SYNE1: variants seen among roughly 807,000 people sequenced by gnomAD.
The protein encoded by SYNE1 is nesprin-1.
In SYNE1, 616 loss-of-function variants were observed where a neutral mutation model predicts 1,111.0. The ratio of observed to expected loss-of-function variants is 0.55; its 90% CI spans 0.52 to 0.59. The LOEUF is 0.59. SYNE1 is among the 20% of genes least tolerant of loss of function. The probability of loss-of-function intolerance (pLI) is 0.00; values close to 1 mark genes in which losing one functional copy is unlikely to be tolerated. For synonymous variants in SYNE1, 3,855 were observed against 3,825.8 expected, an observed-to-expected ratio of 1.01 and a Z score of -0.28; for missense variants, 10,006 against 10,417.0, an observed-to-expected ratio of 0.96 and a Z score of 1.72.
At chr6:152,174,920 G>A (rs2066029746) in intron 130 of SYNE1, among the ~76,000 whole-genome samples, 2 of 152,258 alleles carry the variant, frequency 1.3e-5, no homozygotes, top group Admixed American at 1.3e-4. Flanking sequence ...GAGGCTGGGT[G>A]CGGTGGCTCA....
intron 96 of SYNE1, 101 bp from the exon 97 acceptor site, chr6:152,282,081 A>G: frequency 1.6e-6 from 2 of 1,251,588 alleles, no homozygotes; most frequent in South Asian, 2.5e-5. Flanking sequence ...GTACATAAGA[A>G]TCACTGGTAA....
In SYNE1 at chr6:152,603,823, T is replaced by G. The variant is rs528804775; in HGVS notation, c.67+24442A>C. On this transcript the variant is annotated intron_variant, in intron 3 of 145. Coordinates refer to ENST00000367255, the MANE Select transcript of SYNE1 (RefSeq NM_182961.4). ...TACATATATAGAGAGTATATATATA[T>G]ATAGATATACTATCTATCTATACAT... 2.4e-3 allele frequency among the ~76,000 whole-genome samples: 276 copies of G among 117,192 alleles called. 4 individuals are homozygous for G. The highest frequency in any genetic ancestry group is 3.7e-3 in the Admixed American group (45 of 12,210). 76.9% of individuals were successfully genotyped at this position (117,192 alleles called of 152,430 possible).
rs952091182 is a variant in SYNE1 at position 152,280,493 on chromosome 6, G to A, written c.18381+1314C>T. ...CTAGTGTATTTTATGTGTGGACCAA[G>A]ACAATTCTTCTTCTTCCAATGTGGC... On this transcript the variant is annotated intron_variant, in intron 97 of 145. Coordinates refer to ENST00000367255, the MANE Select transcript of SYNE1 (RefSeq NM_182961.4). 2.0e-5 allele frequency among the ~76,000 whole-genome samples: 3 copies of A among 151,860 alleles called. No homozygotes were observed. In the South Asian group the frequency reaches 6.2e-4, roughly 32 times the overall value.
chr6:152,477,386 T>G (rs2098841312), intron 14 of SYNE1, among the ~76,000 whole-genome samples: 2 of 152,168 alleles, frequency 1.3e-5, no homozygotes, highest in South Asian at 4.1e-4. Flanking sequence ...GACCTTTTAG[T>G]AAAGGCCTTA....
intron 14 of SYNE1, chr6:152,472,657 T>A: frequency 1.4e-6 from 1 of 702,250 alleles, no homozygotes; most frequent in East Asian, 2.7e-5. Context: ...CACATGACAC[T>A]TGCACAGCAA....
chr6:152,444,656 T>C, intron 29 of SYNE1, 78 bp from the exon 30 acceptor site: 1 of 1,331,602 alleles, frequency 7.5e-7, no homozygotes, highest in Non-Finnish European at 1.0e-6. Context: ...TGGTAAGGTA[T>C]GATTGACAAA....
intron 1 of SYNE1, 175 bp downstream of exon 1, chr6:152,637,014 G>T (rs1032604036): frequency 6.6e-6 from 1 of 152,478 alleles, no homozygotes; most frequent in East Asian, 1.9e-4. Context: ...TACTGCTCCT[G>T]TCGGGAAGGA....
At position 152,435,925 on chromosome 6, in the gene SYNE1, C is replaced by T; in HGVS notation, c.4310+16G>A. The T allele has an allele frequency of 6.2e-7, 1 of 1,613,976 alleles. No homozygotes were observed. Among genetic ancestry groups the T allele is most frequent in the Non-Finnish European group, 8.5e-7 (1 of 1,179,968 alleles). Reference sequence around the variant, plus strand: ...TTATCTCAGAGAAGAAAGTTTAGGACTTGTCAATCACATACTCTTCTTCAA... The same window carrying T: ...TTATCTCAGAGAAGAAAGTTTAGGATTTGTCAATCACATACTCTTCTTCAA... On this transcript the variant is annotated intron_variant, in intron 33 of 145. Coordinates refer to ENST00000367255, the MANE Select transcript of SYNE1 (RefSeq NM_182961.4).
intron 3 of SYNE1, among the ~76,000 whole-genome samples, chr6:152,574,889 G>GC (rs2099490178): frequency 1.3e-5 from 2 of 151,868 alleles, no homozygotes; most frequent in Non-Finnish European, 2.9e-5. Context: ...TTTTTGGTTT[G>GC]TTTTTTGTTT....
intron 3 of SYNE1, among the ~76,000 whole-genome samples, chr6:152,592,714 T>G (rs928704687): frequency 6.6e-6 from 1 of 152,148 alleles, no homozygotes. Context: ...AAAATAAAAG[T>G]ATAAAAGAAA....
At chr6:152,463,749 A>T (rs1027277241) in intron 18 of SYNE1, among the ~76,000 whole-genome samples, 1 of 152,216 alleles carries the variant, frequency 6.6e-6, no homozygotes, top group African/African-American at 2.4e-5. Flanking sequence ...CGAAGACAAA[A>T]CAAAACATGA....
chr6:152,504,240 A>G (rs1475921231), intron 9 of SYNE1, among the ~76,000 whole-genome samples: 1 of 152,102 alleles, frequency 6.6e-6, no homozygotes, highest in Non-Finnish European at 1.5e-5. Context: ...TCCTAGTGAA[A>G]GTGGGGTGGG....
chr6:152,310,326 T>C (rs2095509459), intron 89 of SYNE1, 70 bp downstream of exon 89: 1 of 1,593,710 alleles, frequency 6.3e-7, no homozygotes, highest in Non-Finnish European at 8.6e-7. Flanking sequence ...TTAGGAGGCA[T>C]TTTTCCTTAC....
At chr6:152,635,018 A>G (rs946604813) in intron 2 of SYNE1, among the ~76,000 whole-genome samples, 1 of 152,196 alleles carries the variant, frequency 6.6e-6, no homozygotes, top group Admixed American at 6.5e-5. Flanking sequence ...TGGGCTTCCT[A>G]CATCCTGTGA....
At chr6:152,270,313 A>G (rs376628885) in intron 98 of SYNE1, among the ~76,000 whole-genome samples, 3 of 152,284 alleles carry the variant, frequency 2.0e-5, no homozygotes, top group African/African-American at 7.2e-5. Flanking sequence ...TTACCATTTT[A>G]CAAATTCAAA....
intron 128 of SYNE1, among the ~76,000 whole-genome samples, chr6:152,188,984 AAT>A (rs1190850842): frequency 0.01 from 238 of 22,996 alleles, 2 homozygotes; most frequent in Middle Eastern, 0.062. Context: ...AAAAAAAAAA[AAT>A]ATATATATAT....
intron 131 of SYNE1, among the ~76,000 whole-genome samples, chr6:152,157,403 G>A (rs976977381): frequency 7.9e-5 from 12 of 152,182 alleles, no homozygotes; most frequent in African/African-American, 2.9e-4. Context: ...AGAGTAGAAC[G>A]CCAGATAGCA....
intron 21 of SYNE1, 80 bp downstream of exon 21, chr6:152,461,517 A>G: frequency 3.8e-6 from 6 of 1,567,126 alleles, no homozygotes; most frequent in Non-Finnish European, 5.3e-6. Flanking sequence ...CACTTTGCCC[A>G]TGGGGAGAAG....
At chr6:152,183,566 A>C (rs1253398224) in intron 128 of SYNE1, among the ~76,000 whole-genome samples, 1 of 152,258 alleles carries the variant, frequency 6.6e-6, no homozygotes, top group Non-Finnish European at 1.5e-5. Context: ...ACACCACTGC[A>C]CTACAGCCTG....
Sources: allele counts gnomAD v4.1 joint callset (sites outside exome capture counted in the v4.1 genomes callset), GRCh38; gene constraint gnomAD v4.1.1; transcripts MANE v1.5; gene names NCBI Gene and HGNC (gene_info 2026-07-23, HGNC 2026-07-21).